Variants in PDE4D observed in about 807,000 individuals in gnomAD.
PDE4D encodes phosphodiesterase 4D, also known as 3',5'-cyclic-AMP phosphodiesterase 4D.
In PDE4D, 24 loss-of-function variants were observed where a neutral mutation model predicts 87.4. The observed-to-expected ratio is 0.27, with a 90% CI of 0.20 to 0.39. The LOEUF (loss-of-function observed/expected upper bound fraction) is 0.39, where lower values mean the gene tolerates loss of function less well. Among genes scored for constraint, PDE4D ranks in the 10% least tolerant of loss-of-function variants. The pLI is 1.00. For missense variants in PDE4D, 714 were observed against 1,041.0 expected (o/e 0.69, Z 4.32); for synonymous variants, 384 against 383.2 (o/e 1.00, Z -0.02).
At chr5:60,474,105 C>CAA (rs1554041474) in intron 1 of PDE4D, among the ~76,000 whole-genome samples, 12 of 31,002 alleles carry the variant, frequency 3.9e-4, no homozygotes, top group Admixed American at 1.1e-3. Flanking sequence ...TTTGAGCTGC[C>CAA]ATATATATAT....
At chr5:59,923,126 T>C (rs1259587205) in intron 3 of PDE4D, among the ~76,000 whole-genome samples, 1 of 152,068 alleles carries the variant, frequency 6.6e-6, no homozygotes, top group African/African-American at 2.4e-5. Context: ...CCTCTGCTTT[T>C]AGAAAAGGGA....
At chr5:59,541,026 G>A (rs1459188778) in intron 1 of PDE4D, among the ~76,000 whole-genome samples, 2 of 152,090 alleles carry the variant, frequency 1.3e-5, no homozygotes, top group Non-Finnish European at 2.9e-5. Context: ...AGCTGAGTTA[G>A]GGATCTCAGA....
At chr5:60,205,917 AAAT>A (rs1742465366) in intron 1 of PDE4D, among the ~76,000 whole-genome samples, 2 of 152,150 alleles carry the variant, frequency 1.3e-5, no homozygotes, top group African/African-American at 2.4e-5. Context: ...AAAAGGCAAT[AAAT>A]ATGCATGACA....
intron 1 of PDE4D, chr5:60,487,637 C>A (rs933942545): frequency 5.9e-5 from 9 of 152,166 alleles, no homozygotes; most frequent in Admixed American, 5.9e-4. Context: ...ATCCCAGCAT[C>A]CTGCTTTAAC....
intron 6 of PDE4D, among the ~76,000 whole-genome samples, chr5:59,038,556 A>T (rs571135110): frequency 2.4e-4 from 36 of 152,298 alleles, no homozygotes; most frequent in African/African-American, 6.3e-4. Flanking sequence ...ACACCTTTAA[A>T]CATGCAATGC....
chr5:59,968,992 C>A (rs73761075), intron 3 of PDE4D, among the ~76,000 whole-genome samples: 8 of 106,662 alleles, frequency 7.5e-5, no homozygotes, highest in East Asian at 2.6e-4. Context: ...AGAAAAGGCA[C>A]CCCCCCCCCG....
chr5:59,177,636 G>C (rs1405366421), intron 5 of PDE4D, among the ~76,000 whole-genome samples: 10 of 152,278 alleles, frequency 6.6e-5, no homozygotes, highest in Non-Finnish European at 1.5e-4. Flanking sequence ...TGGGTAGGCA[G>C]AGCAACCACG....
At chr5:59,492,755 A>T in intron 1 of PDE4D, among the ~76,000 whole-genome samples, 1 of 152,072 alleles carries the variant, frequency 6.6e-6, no homozygotes, top group East Asian at 1.9e-4. Flanking sequence ...TAGCTCCCAC[A>T]ATTCCCATGT....
intron 1 of PDE4D, among the ~76,000 whole-genome samples, chr5:59,589,392 T>A (rs1561276948): frequency 1.3e-5 from 2 of 152,208 alleles, no homozygotes; most frequent in Admixed American, 6.5e-5. Context: ...TTATCAGGCA[T>A]CTTGTGAGCA....
intron 1 of PDE4D, among the ~76,000 whole-genome samples, chr5:59,479,288 G>T (rs1803841341): frequency 6.6e-6 from 1 of 152,108 alleles, no homozygotes; most frequent in South Asian, 2.1e-4. Context: ...CACCGTCATG[G>T]TTGGGAGGCT....
In PDE4D at chr5:59,010,584, C is replaced by T. The variant is rs139156908; in HGVS notation, c.922-17119G>A. ...TGGGAGACTGTTTGTCAGTCATCATCGAATAGCGAATGAGTATCCTTTGTA... is the reference window on the plus strand; with the variant it reads ...TGGGAGACTGTTTGTCAGTCATCATTGAATAGCGAATGAGTATCCTTTGTA... On this transcript the variant is annotated intron_variant, in intron 6 of 14. Transcript: ENST00000340635. Among the ~76,000 whole-genome samples, 752 of 152,000 alleles carry T rather than the reference C, an allele frequency of 4.9e-3. 5 individuals are homozygous for T. Among genetic ancestry groups the T allele is most frequent in the African/African-American group, 0.017 (710 of 41,456 alleles).
chr5:59,984,546 A>G (rs1276268902), intron 3 of PDE4D, among the ~76,000 whole-genome samples: 1 of 152,246 alleles, frequency 6.6e-6, no homozygotes, highest in African/African-American at 2.4e-5. Flanking sequence ...AGAAATTGTT[A>G]AAAAGTGTAC....
chr5:60,171,609 C>T (rs936807403), intron 2 of PDE4D, among the ~76,000 whole-genome samples: 3 of 152,082 alleles, frequency 2.0e-5, no homozygotes, highest in Non-Finnish European at 4.4e-5. Context: ...TAAAACCTAT[C>T]CCACTGTGGA....
At chr5:59,480,004 A>C (rs970964406) in intron 1 of PDE4D, among the ~76,000 whole-genome samples, 2 of 152,000 alleles carry the variant, frequency 1.3e-5, no homozygotes, top group African/African-American at 4.8e-5. Context: ...TCTTTCTCCA[A>C]ACATTTTACT....
chr5:59,924,823 T>C (rs917901641), intron 3 of PDE4D, among the ~76,000 whole-genome samples: 4 of 152,138 alleles, frequency 2.6e-5, no homozygotes, highest in African/African-American at 9.7e-5. Flanking sequence ...AACATTATAA[T>C]TGCGATGTTT....
chr5:59,241,418 C>T (rs1757654371), intron 1 of PDE4D, among the ~76,000 whole-genome samples: 1 of 152,158 alleles, frequency 6.6e-6, no homozygotes, highest in African/African-American at 2.4e-5. Flanking sequence ...AAGAAAACAG[C>T]TTCTTGGCTG....
intron 1 of PDE4D, among the ~76,000 whole-genome samples, chr5:60,319,979 T>C (rs1756065289): frequency 6.6e-6 from 1 of 152,220 alleles, no homozygotes; most frequent in Non-Finnish European, 1.5e-5. Flanking sequence ...TCCAGCTGCG[T>C]GCTGGGAGAA....
intron 1 of PDE4D, among the ~76,000 whole-genome samples, chr5:60,387,174 A>G (rs1217303398): frequency 6.6e-6 from 1 of 152,200 alleles, no homozygotes; most frequent in East Asian, 1.9e-4. Context: ...GTTACAGAAA[A>G]AGCAAAGAAG....
intron 1 of PDE4D, among the ~76,000 whole-genome samples, chr5:59,244,662 GTA>G (rs1484225133): frequency 7.8e-5 from 10 of 128,524 alleles, no homozygotes; most frequent in Non-Finnish European, 1.5e-4. Flanking sequence ...ATAGATATAT[GTA>G]TGTATGTGTG....
Sources: allele counts gnomAD v4.1 joint callset (sites outside exome capture counted in the v4.1 genomes callset), GRCh38; gene constraint gnomAD v4.1.1; transcripts MANE v1.5; gene names NCBI Gene and HGNC (gene_info 2026-07-23, HGNC 2026-07-21).